SGTB: variants seen among roughly 807,000 people sequenced by gnomAD.
The protein encoded by SGTB is small glutamine-rich tetratricopeptide repeat-containing protein beta.
A neutral mutation model predicts 43.9 loss-of-function variants in SGTB; 19 were observed. The ratio of observed to expected loss-of-function variants is 0.43; its 90% confidence interval spans 0.30 to 0.63. The LOEUF (loss-of-function observed/expected upper bound fraction) is 0.63. SGTB is among the 30% of genes least tolerant of loss of function. The probability of loss-of-function intolerance (pLI) is 0.12; values close to 1 mark genes in which losing one functional copy is unlikely to be tolerated. For missense variants in SGTB, 304 were observed against 358.9 expected (o/e 0.85, Z 1.24); for synonymous variants, 116 against 117.3 (o/e 0.99, Z 0.07).
In SGTB at chr5:65,670,255, C is replaced by CTCT. The variant is rs751030255; in HGVS notation, c.903_905dup (p.Glu302dup). 1 of 1,613,896 alleles carries CTCT rather than the reference C, an allele frequency of 6.2e-7. No homozygotes were observed. Among genetic ancestry groups the CTCT allele is most frequent in the Admixed American group, 1.7e-5 (1 of 60,014 alleles). ...TGAGCCCCTGGTTAAATCAGGAATG[C>CTCT]TCTTCAGCGCTGCTGCTGAATGATC... is the stretch of plus-strand genomic sequence containing the variant. On this transcript the variant is annotated inframe_insertion, in exon 11 of 11. Transcript: ENST00000381007.
intron 4 of SGTB, among the ~76,000 whole-genome samples, chr5:65,707,421 C>CAG (rs1294008283): frequency 6.7e-6 from 1 of 149,998 alleles, no homozygotes; most frequent in Non-Finnish European, 1.5e-5. Context: ...CACACACACA[C>CAG]ACACACACAC....
intron 5 of SGTB, among the ~76,000 whole-genome samples, chr5:65,699,684 C>A (rs1757776223): frequency 6.6e-6 from 1 of 152,186 alleles, no homozygotes; most frequent in South Asian, 2.1e-4. Context: ...CCAGGAACTG[C>A]GAACCTCAAG....
intron 5 of SGTB, among the ~76,000 whole-genome samples, chr5:65,690,850 AAAAC>A (rs1389337234): frequency 1.3e-5 from 2 of 152,226 alleles, no homozygotes; most frequent in South Asian, 2.1e-4. Flanking sequence ...CAAACTGAAT[AAAAC>A]AAACAATTGA....
chr5:65,680,596 C>T (rs1475002781), intron 7 of SGTB, 40 bp from the exon 8 acceptor site: 1 of 1,613,848 alleles, frequency 6.2e-7, no homozygotes, highest in Non-Finnish European at 8.5e-7. Context: ...CCAGTATCTA[C>T]AATTACAATA....
Position 65,670,162 on chromosome 5 carries a change from A to C in SGTB, c.*84T>G. 1 of 1,182,518 alleles carries C rather than the reference A, an allele frequency of 8.5e-7. No homozygotes were observed. The highest frequency in any genetic ancestry group is 1.2e-6 in the Non-Finnish European group (1 of 821,930). 73.3% of individuals were successfully genotyped at this position (1,182,518 alleles called of 1,614,324 possible). On this transcript the variant is annotated 3_prime_UTR_variant, in exon 11 of 11. Transcript: ENST00000381007. The stretch of plus-strand genomic sequence containing the variant: ...TCAGATATGGTGTTTGGTTTTTTGA[A>C]GGAGGGAGGGGGTACTATCTACAAC...
intron 5 of SGTB, among the ~76,000 whole-genome samples, chr5:65,700,043 T>C (rs1561161366): frequency 6.6e-6 from 1 of 152,040 alleles, no homozygotes; most frequent in South Asian, 2.1e-4. Context: ...ATAGAATCTA[T>C]GAAAAAAGAG....
chr5:65,681,744 G>T lies in SGTB; in HGVS notation c.480-950C>A, dbSNP rs1360472026. Among the ~76,000 whole-genome samples, 3 of 152,090 alleles carry T rather than the reference G, an allele frequency of 2.0e-5. No individual in the cohort carries two copies. In the East Asian group the frequency reaches 5.8e-4, roughly 29 times the overall value. On this transcript the variant is annotated intron_variant, in intron 6 of 10. Transcript: ENST00000381007. ...CCCAGCAGCACTTTGGGAGGCCAGG[G>T]TGGGTGGATCACTTGAGGTCAGGAG...
chr5:65,674,762 T>G (rs1246528106), intron 8 of SGTB, among the ~76,000 whole-genome samples: 1 of 152,154 alleles, frequency 6.6e-6, no homozygotes, highest in African/African-American at 2.4e-5. Context: ...CTAAAAGAAT[T>G]CCATTTTTCA....
chr5:65,720,562 A>T, intron 2 of SGTB, 146 bp downstream of exon 2: 1 of 815,438 alleles, frequency 1.2e-6, no homozygotes, highest in Non-Finnish European at 1.8e-6. Flanking sequence ...AAATGGAAAT[A>T]CGATAACCTT....
chr5:65,670,180 T>C lies in SGTB; in HGVS notation c.*66A>G, dbSNP rs543263447. Reference sequence around the variant, plus strand: ...TTTTTGAAGGAGGGAGGGGGTACTATCTACAACAAATACTTCATTCATAGC... The same window carrying C: ...TTTTTGAAGGAGGGAGGGGGTACTACCTACAACAAATACTTCATTCATAGC... On this transcript the variant is annotated 3_prime_UTR_variant, in exon 11 of 11. Transcript: ENST00000381007. 1.4e-6 allele frequency: 2 copies of C among 1,440,790 alleles called. No homozygotes were observed. The highest frequency in any genetic ancestry group is 1.7e-5 in the Admixed American group (1 of 57,618). The allele number at this position is 1,440,790 out of a possible 1,614,324, so 89.3% of individuals were successfully genotyped here.
intron 1 of SGTB, among the ~76,000 whole-genome samples, chr5:65,721,106 G>A (rs1758265780): frequency 6.6e-6 from 1 of 152,160 alleles, no homozygotes; most frequent in South Asian, 2.1e-4. Context: ...TACAGCATAA[G>A]CTTAGACTGT....
chr5:65,721,218 C>T (rs1291198939), intron 1 of SGTB, among the ~76,000 whole-genome samples: 1 of 152,204 alleles, frequency 6.6e-6, no homozygotes, highest in Admixed American at 6.5e-5. Flanking sequence ...CAAGCATCTT[C>T]CTCTTTTTCA....
At chr5:65,706,932 C>G (rs753714121) in intron 4 of SGTB, among the ~76,000 whole-genome samples, 1 of 152,002 alleles carries the variant, frequency 6.6e-6, no homozygotes, top group Non-Finnish European at 1.5e-5. Flanking sequence ...AAGACATGCT[C>G]AAACAGTATC....
chr5:65,721,220 T>C (rs1242344988), intron 1 of SGTB, among the ~76,000 whole-genome samples: 3 of 152,242 alleles, frequency 2.0e-5, no homozygotes, highest in Non-Finnish European at 4.4e-5. Flanking sequence ...AGCATCTTCC[T>C]CTTTTTCATG....
At position 65,712,942 on chromosome 5, in the gene SGTB, GAAA is replaced by G. The variant is rs768644957; in HGVS notation, c.204+16_204+18del. 6.3e-7 allele frequency: 1 copy of G among 1,583,848 alleles called. No homozygotes were observed. Among genetic ancestry groups the G allele is most frequent in the South Asian group, 1.1e-5 (1 of 87,786 alleles). On this transcript the variant is annotated intron_variant, in intron 3 of 10. Coordinates refer to ENST00000381007, the MANE Select transcript of SGTB (RefSeq NM_019072.3). ...TTGTAGTCATATCAGTTAATAATGA[GAAA>G]ATAATGACAACATACCTTACAGAAG...
upstream of SGTB, chr5:65,722,784 A>T (rs1251145977): frequency 1.7e-5 from 4 of 229,160 alleles, no homozygotes; most frequent in Admixed American, 1.8e-4. Flanking sequence ...GCAGCTGTGG[A>T]CTCAGAACAA....
At chr5:65,713,355 C>G (rs1758079435) in intron 2 of SGTB, among the ~76,000 whole-genome samples, 2 of 151,930 alleles carry the variant, frequency 1.3e-5, no homozygotes, top group African/African-American at 4.8e-5. Flanking sequence ...CAAGGTTTCA[C>G]TTTGTGGCCA....
chr5:65,682,295 G>C (rs1436978737), intron 6 of SGTB, among the ~76,000 whole-genome samples: 1 of 152,218 alleles, frequency 6.6e-6, no homozygotes, highest in Non-Finnish European at 1.5e-5. Flanking sequence ...TCAGAGAACA[G>C]TTGGGTGCCA....
chr5:65,692,696 T>C (rs971717325), intron 5 of SGTB, among the ~76,000 whole-genome samples: 5 of 152,208 alleles, frequency 3.3e-5, no homozygotes, highest in African/African-American at 1.2e-4. Flanking sequence ...GGTTGGATTC[T>C]GGATAAAAAC....
Sources: allele counts gnomAD v4.1 joint callset (sites outside exome capture counted in the v4.1 genomes callset), GRCh38; gene constraint gnomAD v4.1.1; transcripts MANE v1.5; gene names NCBI Gene and HGNC (gene_info 2026-07-23, HGNC 2026-07-21).